PLD5: variants seen among roughly 807,000 people sequenced by gnomAD.
The protein encoded by PLD5 is phospholipase D family member 5.
Under a neutral mutation model 61.1 loss-of-function variants are expected in PLD5, and 36 were observed. The ratio of observed to expected loss-of-function variants is 0.59; its 90% CI spans 0.45 to 0.78. PLD5 has a LOEUF of 0.78. PLD5 is among the 30% of genes least tolerant of loss of function. PLD5 has a pLI of 0.00. For synonymous variants in PLD5, 243 were observed against 242.8 expected, an observed-to-expected ratio of 1.00 and a Z score of -0.01; for missense variants, 515 against 644.4, an observed-to-expected ratio of 0.80 and a Z score of 2.17.
At chr1:242,295,655 C>T (rs1195146241) in intron 2 of PLD5, among the ~76,000 whole-genome samples, 1 of 152,104 alleles carries the variant, frequency 6.6e-6, no homozygotes, top group Non-Finnish European at 1.5e-5. Flanking sequence ...GGGTAGATAC[C>T]CAGTGATGGA....
chr1:242,263,813 C>T (rs1470018809), intron 4 of PLD5, among the ~76,000 whole-genome samples: 5 of 152,148 alleles, frequency 3.3e-5, no homozygotes, highest in African/African-American at 9.7e-5. Context: ...GGCCTTTATT[C>T]GTGCATTTGT....
intron 1 of PLD5, among the ~76,000 whole-genome samples, chr1:242,438,430 AT>A (rs1261518320): frequency 5.1e-5 from 7 of 137,106 alleles, no homozygotes; most frequent in African/African-American, 1.9e-4. Flanking sequence ...TGCCTGGCTA[AT>A]TTTTTTTCTT....
chr1:242,190,233 C>T (rs1450743863), intron 5 of PLD5, among the ~76,000 whole-genome samples: 1 of 143,170 alleles, frequency 7.0e-6, no homozygotes, highest in Non-Finnish European at 1.5e-5. Context: ...GCAAGCTCTG[C>T]CTCCTGGGTT....
At chr1:242,240,385 T>C (rs938457731) in intron 4 of PLD5, among the ~76,000 whole-genome samples, 7 of 152,222 alleles carry the variant, frequency 4.6e-5, no homozygotes, top group Non-Finnish European at 1.0e-4. Context: ...TAATGATTTA[T>C]AGTATTTAGT....
At chr1:242,392,969 C>T (rs1317961788) in intron 1 of PLD5, among the ~76,000 whole-genome samples, 9 of 151,444 alleles carry the variant, frequency 5.9e-5, no homozygotes, top group African/African-American at 1.9e-4. Flanking sequence ...TTTGGGAGGC[C>T]GAGGCGGGTG....
chr1:242,166,953 A>T (rs2148863956), intron 5 of PLD5, among the ~76,000 whole-genome samples: 1 of 152,162 alleles, frequency 6.6e-6, no homozygotes, highest in African/African-American at 2.4e-5. Flanking sequence ...GTTACTGATA[A>T]AATGAAAGTT....
At chr1:242,374,819 C>G (rs1661853773) in intron 1 of PLD5, among the ~76,000 whole-genome samples, 1 of 152,170 alleles carries the variant, frequency 6.6e-6, no homozygotes, top group Non-Finnish European at 1.5e-5. Flanking sequence ...TAAACTTAAG[C>G]CCAAAAATGG....
chr1:242,383,993 AC>A (rs761202279), intron 1 of PLD5, among the ~76,000 whole-genome samples: 23 of 152,218 alleles, frequency 1.5e-4, no homozygotes, highest in Non-Finnish European at 3.2e-4. Flanking sequence ...ACACAAGAGC[AC>A]TTGCATTGCT....
At chr1:242,479,565 T>C (rs924962556) in intron 1 of PLD5, among the ~76,000 whole-genome samples, 4 of 152,150 alleles carry the variant, frequency 2.6e-5, no homozygotes, top group Non-Finnish European at 5.9e-5. Context: ...ACATACTATA[T>C]GGAGAGCAGA....
chr1:242,369,592 T>G (rs575023961), intron 1 of PLD5, among the ~76,000 whole-genome samples: 9 of 152,280 alleles, frequency 5.9e-5, no homozygotes, highest in African/African-American at 1.9e-4. Flanking sequence ...CTATTGACAG[T>G]GGTCATCTAT....
At chr1:242,292,845 G>A (rs1410031042) in intron 2 of PLD5, among the ~76,000 whole-genome samples, 1 of 152,162 alleles carries the variant, frequency 6.6e-6, no homozygotes, top group Admixed American at 6.5e-5. Context: ...GGATACACAT[G>A]AGCTTATTAT....
At chr1:242,444,275 T>A (rs1031278339) in intron 1 of PLD5, among the ~76,000 whole-genome samples, 1 of 152,156 alleles carries the variant, frequency 6.6e-6, no homozygotes, top group African/African-American at 2.4e-5. Context: ...ATACTTCTTT[T>A]TCCAATAAAT....
At chr1:242,304,155 A>T (rs894646016) in intron 2 of PLD5, among the ~76,000 whole-genome samples, 17 of 152,210 alleles carry the variant, frequency 1.1e-4, no homozygotes, top group African/African-American at 3.6e-4. Flanking sequence ...TTGCTTAGAA[A>T]AGTTGTATAC....
At chr1:242,297,716 T>C (rs1008863254) in intron 2 of PLD5, among the ~76,000 whole-genome samples, 25 of 148,258 alleles carry the variant, frequency 1.7e-4, no homozygotes, top group Non-Finnish European at 3.3e-4. Flanking sequence ...CTCGGCTCAC[T>C]GCAAGCTCCG....
intron 5 of PLD5, among the ~76,000 whole-genome samples, chr1:242,150,395 C>A (rs887242368): frequency 2.6e-5 from 4 of 151,766 alleles, no homozygotes; most frequent in Non-Finnish European, 4.4e-5. Context: ...TTACTATAAA[C>A]TGAATGGTGA....
intron 2 of PLD5, among the ~76,000 whole-genome samples, chr1:242,328,486 TTA>T (rs928362699): frequency 1.5e-4 from 23 of 152,166 alleles, no homozygotes; most frequent in Non-Finnish European, 2.2e-4. Flanking sequence ...TTCTACATAT[TTA>T]TGTGTTCTAC....
chr1:242,195,983 G>A (rs1668617590), intron 5 of PLD5, among the ~76,000 whole-genome samples: 1 of 152,142 alleles, frequency 6.6e-6, no homozygotes, highest in African/African-American at 2.4e-5. Context: ...CTTATGTAAG[G>A]GGGATGGACG....
At chr1:242,359,913 T>C (rs983476706) in intron 1 of PLD5, among the ~76,000 whole-genome samples, 2 of 152,098 alleles carry the variant, frequency 1.3e-5, no homozygotes, top group African/African-American at 4.8e-5. Context: ...AAGGTAAATA[T>C]ATAAACATTC....
At position 242,373,967 on chromosome 1, in the gene PLD5, T is replaced by TA. The variant is rs1468708164; in HGVS notation, c.190-25726dup. Among the ~76,000 whole-genome samples the TA allele has an allele frequency of 8.2e-3, 264 of 32,318 alleles. 1 individual carries two copies. Among genetic ancestry groups the TA allele is most frequent in the East Asian group, 0.043 (55 of 1,284 alleles). The allele number at this position is 32,318 out of a possible 152,430, so 21.2% of individuals were successfully genotyped here. ...ATGTACCCTAGAACTTAAAGTATAA[T>TA]AAAAACAAAAAAAAAGAATGTCGGA... On this transcript the variant is annotated intron_variant, in intron 1 of 9. Transcript: ENST00000536534.
Sources: allele counts gnomAD v4.1 joint callset (sites outside exome capture counted in the v4.1 genomes callset), GRCh38; gene constraint gnomAD v4.1.1; transcripts MANE v1.5; gene names NCBI Gene and HGNC (gene_info 2026-07-23, HGNC 2026-07-21).